UBE2O: variants seen among roughly 807,000 people sequenced by gnomAD.
The protein encoded by UBE2O is (E3-independent) E2 ubiquitin-conjugating enzyme.
UBE2O carries 15 observed loss-of-function variants against 125.8 expected under a neutral mutation model. The observed-to-expected ratio is 0.12, with a 90% confidence interval of 0.08 to 0.18. The LOEUF is 0.18. UBE2O is among the 10% of genes least tolerant of loss of function. The pLI, the probability that UBE2O is intolerant of heterozygous loss-of-function variation, is 1.00. For synonymous variants in UBE2O, 708 were observed against 703.2 expected, an observed-to-expected ratio of 1.01 and a Z score of -0.11; for missense variants, 1,280 against 1,723.6, an observed-to-expected ratio of 0.74 and a Z score of 4.56.
chr17:76,440,932 G>T (rs1312615246), intron 1 of UBE2O, among the ~76,000 whole-genome samples: 1 of 152,146 alleles, frequency 6.6e-6, no homozygotes, highest in Non-Finnish European at 1.5e-5. Flanking sequence ...CCTGTGTGGG[G>T]GTATCTCTCT....
rs757426729 is a variant in UBE2O, at chr17:76,399,849, G to A, written c.1228C>T (p.His410Tyr). 18 of 1,614,000 alleles carry A rather than the reference G, an allele frequency of 1.1e-5. No homozygotes were observed. The South Asian group carries it at 1.4e-4, about 13-fold the overall frequency. Residue 410 changes from histidine to tyrosine, a missense_variant, in exon 9 of 18, where the codon CAT (histidine) becomes TAT (tyrosine). This residue lies in a region of UBE2O where 141 missense variants were observed against 141.3 expected (regional missense o/e 1.00). Coordinates refer to ENST00000319380, the MANE Select transcript of UBE2O (RefSeq NM_022066.4). This position sits in a 1 kb window ranked among gnomAD's most constrained non-coding sequence, Gnocchi z 6.9. ...CSPDTQCSRD[H>Y]SMEDPDKKGE... ...TTCTTGTCTGGGTCTTCCATGGAATGGTCCCGGGAACACTGGGTGTCTGGG... is the reference window on the plus strand; with the variant it reads ...TTCTTGTCTGGGTCTTCCATGGAATAGTCCCGGGAACACTGGGTGTCTGGG...
chr17:76,402,778 C>G lies in UBE2O; in HGVS notation c.589-79G>C. 1 of 1,206,582 alleles carries G rather than the reference C, an allele frequency of 8.3e-7. No homozygotes were observed. The highest frequency in any genetic ancestry group is 1.2e-6 in the Non-Finnish European group (1 of 812,128). The allele number at this position is 1,206,582 out of a possible 1,614,324, so 74.7% of individuals were successfully genotyped here. A position where few individuals can be genotyped will look rare whatever the true frequency, so the allele number is the denominator to read the frequency against. On this transcript the variant is annotated intron_variant, in intron 3 of 17. Transcript: ENST00000319380. This position sits in a 1 kb window ranked among gnomAD's most constrained non-coding sequence, Gnocchi z 5.4. Reference sequence around the variant, plus strand: ...AGGGCACAGATTCCTCTATGCCCCACCGAAGACAGGATGGGGGAGGATCTA... The same window carrying G: ...AGGGCACAGATTCCTCTATGCCCCAGCGAAGACAGGATGGGGGAGGATCTA...
chr17:76,427,312 T>C (rs1235676156), intron 1 of UBE2O, among the ~76,000 whole-genome samples: 1 of 152,258 alleles, frequency 6.6e-6, no homozygotes. Context: ...TTTAACTCAA[T>C]GTTTTCACTC....
chr17:76,412,178 G>C (rs1598598152), intron 1 of UBE2O, among the ~76,000 whole-genome samples: 1 of 152,160 alleles, frequency 6.6e-6, no homozygotes, highest in Admixed American at 6.6e-5. Context: ...TGTGTTCAAA[G>C]AGTGAGGCTT....
At position 76,396,718 on chromosome 17, in the gene UBE2O, C is replaced by T. The variant is rs961285408; in HGVS notation, c.2219G>A (p.Ser740Asn). 4.3e-6 allele frequency: 7 copies of T among 1,614,078 alleles called. No individual in the cohort carries two copies. Among genetic ancestry groups the T allele is most frequent in the African/African-American group, 1.3e-5 (1 of 75,050 alleles). ...SSDEWEDDSDSWETDNGLVED... is the reference protein window; with the variant it reads ...SSDEWEDDSDNWETDNGLVED... Reference sequence around the variant, plus strand: ...CACCAGCCCATTGTCCGTCTCCCAGCTGTCACTATCATCTTCCCATTCATC... The same window carrying T: ...CACCAGCCCATTGTCCGTCTCCCAGTTGTCACTATCATCTTCCCATTCATC... Residue 740 changes from serine to asparagine, a missense_variant, in exon 14 of 18, where the codon AGC becomes AAC. Coordinates refer to ENST00000319380, the MANE Select transcript of UBE2O (RefSeq NM_022066.4). The surrounding 1 kb of genome is among the most constrained non-coding windows in gnomAD (Gnocchi z 6.7).
chr17:76,416,069 G>A (rs959985834), intron 1 of UBE2O, among the ~76,000 whole-genome samples: 4 of 151,238 alleles, frequency 2.6e-5, no homozygotes, highest in Admixed American at 6.6e-5. Context: ...ACGTATATAC[G>A]TATGTGTATA....
chr17:76,401,162 A>T lies in UBE2O; in HGVS notation c.751-8T>A. On this transcript the variant is annotated splice_region_variant and splice_polypyrimidine_tract_variant and intron_variant, in intron 5 of 17. Transcript: ENST00000319380. ...ATCATCGAAGAAGAGACCCTGCGGG[A>T]TGTGGGGCCAAAGGAAAGTCCCCGT... 2 of 1,612,646 alleles carry T rather than the reference A, an allele frequency of 1.2e-6. No homozygotes were observed. The highest frequency in any genetic ancestry group is 1.7e-6 in the Non-Finnish European group (2 of 1,179,432).
At chr17:76,416,230 GTGTATATATGTGTGTATATGTATGTATA>G (rs1260701496) in intron 1 of UBE2O, among the ~76,000 whole-genome samples, 1 of 151,892 alleles carries the variant, frequency 6.6e-6, no homozygotes, top group African/African-American at 2.4e-5. Flanking sequence ...ATATGTATAT[GTGTATATATGTGTGTATATGTATGTATA>G]TGTATATATA....
rs750401785 is a variant in UBE2O, at chr17:76,395,867, G to C, written c.2810-6C>G. Reference sequence around the variant, plus strand: ...TTTCTTAAAAGAATGATTTGCTAGAGGGGGGAAGAGAATAGTCAGTCCCTC... The same window carrying C: ...TTTCTTAAAAGAATGATTTGCTAGACGGGGGAAGAGAATAGTCAGTCCCTC... On this transcript the variant is annotated splice_polypyrimidine_tract_variant and splice_region_variant and intron_variant, in intron 14 of 17. Transcript: ENST00000319380. The surrounding 1 kb of genome is among the most constrained non-coding windows in gnomAD (Gnocchi z 5.0). 3 of 1,613,966 alleles carry C rather than the reference G, an allele frequency of 1.9e-6. No homozygotes were observed. Among genetic ancestry groups the C allele is most frequent in the African/African-American group, 1.3e-5 (1 of 74,936 alleles).
chr17:76,402,955 T>A lies in UBE2O; in HGVS notation c.589-256A>T, dbSNP rs1486605038. On this transcript the variant is annotated intron_variant, in intron 3 of 17. Coordinates refer to ENST00000319380, the MANE Select transcript of UBE2O (RefSeq NM_022066.4). The surrounding 1 kb of genome is among the most constrained non-coding windows in gnomAD (Gnocchi z 5.4). ...GGCTGCCTGGAGGGAACGGGGTGGG[T>A]GATGCAGGGGCAGAGAGGCCTGATG... Among the ~76,000 whole-genome samples, 1 of 151,466 alleles carries A rather than the reference T, an allele frequency of 6.6e-6. No individual in the cohort carries two copies. The highest frequency in any genetic ancestry group is 1.5e-5 in the Non-Finnish European group (1 of 67,874).
At chr17:76,428,936 C>T (rs1315385937) in intron 1 of UBE2O, among the ~76,000 whole-genome samples, 2 of 147,508 alleles carry the variant, frequency 1.4e-5, no homozygotes, top group African/African-American at 2.5e-5. Flanking sequence ...GAGTCTTGCT[C>T]TGTCGCCCAG....
intron 1 of UBE2O, among the ~76,000 whole-genome samples, chr17:76,420,349 G>GGGGCTATGGAAGAGCAGA (rs2072688954): frequency 6.6e-6 from 1 of 152,136 alleles, no homozygotes; most frequent in African/African-American, 2.4e-5. Flanking sequence ...GGAGGAGCAG[G>GGGGCTATGGAAGAGCAGA]GGGCTATGGA....
intron 1 of UBE2O, among the ~76,000 whole-genome samples, chr17:76,422,330 C>T (rs1000166377): frequency 6.6e-6 from 1 of 152,208 alleles, no homozygotes; most frequent in Non-Finnish European, 1.5e-5. Context: ...TTTTCCCAGG[C>T]TGAGCTCAAG....
intron 1 of UBE2O, among the ~76,000 whole-genome samples, chr17:76,420,299 C>G (rs1021707279): frequency 6.6e-6 from 1 of 152,026 alleles, no homozygotes. Flanking sequence ...GTTGTTTCCC[C>G]GGGGGCCAAG....
At chr17:76,451,041 G>A (rs945630240) in intron 1 of UBE2O, among the ~76,000 whole-genome samples, 1 of 152,198 alleles carries the variant, frequency 6.6e-6, no homozygotes, top group Non-Finnish European at 1.5e-5. Context: ...CAAGACGGAC[G>A]GGAACAACAA....
At chr17:76,423,896 CTTTTTTTTTT>C (rs746126675) in intron 1 of UBE2O, among the ~76,000 whole-genome samples, 5 of 83,470 alleles carry the variant, frequency 6.0e-5, no homozygotes, top group South Asian at 1.1e-3. Flanking sequence ...AGGTTGGGTT[CTTTTTTTTTT>C]TTTTTTTTTT....
intron 1 of UBE2O, among the ~76,000 whole-genome samples, chr17:76,421,139 G>A (rs575073893): frequency 1.1e-4 from 17 of 152,114 alleles, no homozygotes; most frequent in African/African-American, 3.9e-4. Context: ...TGCAGACTTC[G>A]CTCCAAAAGG....
Position 76,390,671 on chromosome 17 carries a change from A to C in UBE2O, c.*272T>G. 2.8e-6 allele frequency: 1 copy of C among 356,784 alleles called. No individual in the cohort carries two copies. The allele number at this position is 356,784 out of a possible 1,614,324, so 22.1% of individuals were successfully genotyped here. ...GGCAGCAAGGGAGCAAGTGCCGGAC[A>C]TTCTGCTGGGGTGACAAATGGAAAA... On this transcript the variant is annotated 3_prime_UTR_variant, in exon 18 of 18. Coordinates refer to ENST00000319380, the MANE Select transcript of UBE2O (RefSeq NM_022066.4).
rs375251859 is a variant in UBE2O, at chr17:76,399,315, C to T, written c.1628+134G>A. The T allele has an allele frequency of 5.1e-5, 48 of 940,580 alleles. No individual in the cohort carries two copies. Among genetic ancestry groups the T allele is most frequent in the African/African-American group, 3.9e-4 (23 of 59,706 alleles). 58.3% of individuals were successfully genotyped at this position (940,580 alleles called of 1,614,324 possible). A position where few individuals can be genotyped will look rare whatever the true frequency, so the allele number is the denominator to read the frequency against. On this transcript the variant is annotated intron_variant, in intron 9 of 17. Coordinates refer to ENST00000319380, the MANE Select transcript of UBE2O (RefSeq NM_022066.4). The surrounding 1 kb of genome is among the most constrained non-coding windows in gnomAD (Gnocchi z 6.9). ...CCTACCCCAGGCACCTACGTTGTCT[C>T]GGGTGGGAGCCCCGGAGCCACTACA... is the stretch of plus-strand genomic sequence containing the variant.
Sources: allele counts gnomAD v4.1 joint callset (sites outside exome capture counted in the v4.1 genomes callset), GRCh38; gene constraint gnomAD v4.1.1; regional missense constraint gnomAD v4.1.1; non-coding constraint Gnocchi (gnomAD v3.1); transcripts MANE v1.5; gene names NCBI Gene and HGNC (gene_info 2026-07-23, HGNC 2026-07-21).